The following TYR variants were observed in gnomAD, a reference collection of about 807,000 sequenced individuals.
TYR encodes the protein tyrosinase, also known as LB24-AB.
Under a neutral mutation model 51.5 loss-of-function variants are expected in TYR, and 58 were observed. The ratio of observed to expected loss-of-function variants is 1.13; its 90% CI spans 0.91 to 1.40. The LOEUF (loss-of-function observed/expected upper bound fraction) is 1.40. Ranked by LOEUF, TYR falls within the 40% of genes most tolerant of loss-of-function variation. TYR has a pLI of 0.00. For missense variants in TYR, 732 were observed against 647.4 expected (o/e 1.13, Z -1.42); for synonymous variants, 263 against 235.2 (o/e 1.12, Z -1.08).
chr11:89,183,294 C>G (rs1194218202), intron 1 of TYR, among the ~76,000 whole-genome samples: 1 of 151,948 alleles, frequency 6.6e-6, no homozygotes, highest in South Asian at 2.1e-4. Flanking sequence ...TGTTATAAAT[C>G]ACTTGCGTTG....
chr11:89,234,997 C>T (rs962570255), intron 3 of TYR, among the ~76,000 whole-genome samples: 1 of 150,816 alleles, frequency 6.6e-6, no homozygotes, highest in East Asian at 1.9e-4. Flanking sequence ...AATGCAGTAT[C>T]TGTGAAGCAC....
At chr11:89,251,225 G>A (rs1944327601) in intron 3 of TYR, among the ~76,000 whole-genome samples, 1 of 151,846 alleles carries the variant, frequency 6.6e-6, no homozygotes, top group Non-Finnish European at 1.5e-5. Flanking sequence ...AATAACTAAT[G>A]TATAAAATAT....
Position 89,246,445 on chromosome 11 carries a change from T to TA in TYR, c.1184+18482dup, listed in dbSNP as rs1201471513. ...GTAAAGAGCTAAAGTATAAGGGGCT[T>TA]AAAAAAATATTCAATGCTTTTGTTC... On this transcript the variant is annotated intron_variant, in intron 3 of 4. Coordinates refer to ENST00000263321, the MANE Select transcript of TYR (RefSeq NM_000372.5). 5.3e-5 allele frequency among the ~76,000 whole-genome samples: 8 copies of TA among 152,252 alleles called. No individual in the cohort carries two copies. In the East Asian group the frequency reaches 7.7e-4, roughly 15 times the overall value.
chr11:89,284,682 T>A, intron 3 of TYR, 91 bp from the exon 4 acceptor site: 1 of 1,164,066 alleles, frequency 8.6e-7, no homozygotes, highest in Non-Finnish European at 1.3e-6. Flanking sequence ...TCTCCAGATT[T>A]TAATATATGC....
Position 89,178,368 on chromosome 11 carries a change from A to T in TYR, c.415A>T (p.Thr139Ser), listed in dbSNP as rs751055463. ...GAAGGACAAATTTTTTGCCTACCTC[A>T]CTTTAGCAAAGCATACCATCAGCTC... is the stretch of plus-strand genomic sequence containing the variant. ...PEKDKFFAYLTLAKHTISSDY... is the reference protein window; with the variant it reads ...PEKDKFFAYLSLAKHTISSDY... Residue 139 changes from threonine (T) to serine (S), a missense_variant, in exon 1 of 5, where the codon ACT (threonine) becomes TCT (serine). Transcript: ENST00000263321. 6.8e-6 allele frequency: 11 copies of T among 1,614,038 alleles called. No homozygotes were observed. The Admixed American group carries it at 1.8e-4, about 27-fold the overall frequency.
At chr11:89,275,473 T>C (rs530447068) in intron 3 of TYR, among the ~76,000 whole-genome samples, 1 of 151,962 alleles carries the variant, frequency 6.6e-6, no homozygotes, top group Non-Finnish European at 1.5e-5. Flanking sequence ...CTTCTACTGC[T>C]TTCTAGTTGA....
Position 89,178,178 on chromosome 11 carries a change from T to C in TYR, c.225T>C (p.Asp75=). 6.2e-7 allele frequency: 1 copy of C among 1,614,208 alleles called. No individual in the cohort carries two copies. The highest frequency in any genetic ancestry group is 8.5e-7 in the Non-Finnish European group (1 of 1,180,030). The part of the protein sequence containing the change: ...LGPQFPFTGV[D]DRESWPSVFY... ...CTCAATTTCCCTTCACAGGGGTGGA[T>C]GACCGGGAGTCGTGGCCTTCCGTCT... The change falls in exon 1 of 5, where the codon GAT becomes GAC. Residue 75 remains aspartate (D), a synonymous_variant. Coordinates refer to ENST00000263321, the MANE Select transcript of TYR (RefSeq NM_000372.5).
Position 89,178,135 on chromosome 11 carries a change from C to A in TYR, c.182C>A (p.Ser61Tyr). Residue 61 changes from serine (S) to tyrosine (Y), a missense_variant, in exon 1 of 5, where the codon TCC becomes TAC. By Grantham distance (144) the Ser-to-Tyr change is moderately radical. Transcript: ENST00000263321. Reference sequence around the variant, plus strand: ...GGTTCCTGTCAGAATATCCTTCTGTCCAATGCACCACTTGGGCCTCAATTT... The same window carrying A: ...GGTTCCTGTCAGAATATCCTTCTGTACAATGCACCACTTGGGCCTCAATTT... ...GRGSCQNILL[S>Y]NAPLGPQFPF... is the part of the protein sequence containing the mutation. The A allele has an allele frequency of 5.0e-6, 8 of 1,614,174 alleles. No homozygotes were observed. The highest frequency in any genetic ancestry group is 6.8e-6 in the Non-Finnish European group (8 of 1,180,032).
At chr11:89,218,287 A>G (rs117297230) in intron 2 of TYR, among the ~76,000 whole-genome samples, 1 of 152,348 alleles carries the variant, frequency 6.6e-6, no homozygotes, top group East Asian at 1.9e-4. Flanking sequence ...AGAGAAATAT[A>G]TGCCTCATGT....
chr11:89,284,264 T>C (rs889017068), intron 3 of TYR, among the ~76,000 whole-genome samples: 1 of 151,808 alleles, frequency 6.6e-6, no homozygotes, highest in African/African-American at 2.4e-5. Flanking sequence ...CCATTGTCAT[T>C]GGAGGTAAGC....
chr11:89,210,253 A>G lies in TYR; in HGVS notation c.1037-17570A>G, dbSNP rs146721146. On this transcript the variant is annotated intron_variant, in intron 2 of 4. Transcript: ENST00000263321. ...GTTAGATGAATGGCTAACTAGAATA[A>G]CCAGTGTAGAGAAGAGCTTAAATGA... is the stretch of plus-strand genomic sequence containing the variant. Among the ~76,000 whole-genome samples, 139 of 152,338 alleles carry G rather than the reference A, an allele frequency of 9.1e-4. 2 individuals are homozygous for G. In the East Asian group the frequency reaches 0.019, roughly 21 times the overall value.
intron 2 of TYR, among the ~76,000 whole-genome samples, 179 bp downstream of exon 2, chr11:89,191,597 C>CA (rs1943447547): frequency 2.0e-5 from 3 of 152,006 alleles, no homozygotes; most frequent in Non-Finnish European, 4.4e-5. Flanking sequence ...TATAATTCAA[C>CA]GTGTTAGCTT....
At chr11:89,294,572 G>A (rs1267835890) in intron 4 of TYR, among the ~76,000 whole-genome samples, 1 of 152,184 alleles carries the variant, frequency 6.6e-6, no homozygotes, top group Non-Finnish European at 1.5e-5. Context: ...AACCAAGAGC[G>A]CCCCCAACCC....
intron 3 of TYR, among the ~76,000 whole-genome samples, chr11:89,270,702 TTAAA>T (rs1191474034): frequency 3.3e-5 from 5 of 151,948 alleles, no homozygotes; most frequent in African/African-American, 4.8e-5. Flanking sequence ...AAATTTAATC[TTAAA>T]TAATTTAATC....
intron 3 of TYR, among the ~76,000 whole-genome samples, chr11:89,272,400 T>A (rs1944599242): frequency 6.6e-6 from 1 of 151,826 alleles, no homozygotes; most frequent in Non-Finnish European, 1.5e-5. Context: ...AAATCTTTTT[T>A]TTTTTTTGAA....
intron 3 of TYR, among the ~76,000 whole-genome samples, chr11:89,246,129 G>A (rs1944265234): frequency 1.3e-5 from 2 of 149,066 alleles, no homozygotes; most frequent in African/African-American, 2.5e-5. Context: ...AACTGAGACC[G>A]AGGTATAAAA....
intron 3 of TYR, among the ~76,000 whole-genome samples, chr11:89,241,459 C>A (rs1267706694): frequency 2.0e-5 from 3 of 151,952 alleles, no homozygotes; most frequent in African/African-American, 7.3e-5. Flanking sequence ...TCAAGAAATA[C>A]GATATGTGTC....
At chr11:89,228,279 C>T (rs916693303) in intron 3 of TYR, among the ~76,000 whole-genome samples, 1 of 151,768 alleles carries the variant, frequency 6.6e-6, no homozygotes, top group Non-Finnish European at 1.5e-5. Flanking sequence ...TAAAGTATAC[C>T]CTAGTTTGTC....
At chr11:89,225,069 T>C (rs1205419927) in intron 2 of TYR, among the ~76,000 whole-genome samples, 1 of 152,006 alleles carries the variant, frequency 6.6e-6, no homozygotes, top group Non-Finnish European at 1.5e-5. Flanking sequence ...GTTATTTATT[T>C]TTTTAAAATT....
Sources: gnomAD v4.1 joint callset for allele counts (sites outside exome capture counted in the v4.1 genomes callset) on GRCh38, gnomAD v4.1.1 for gene constraint, MANE v1.5 for transcripts, NCBI Gene and HGNC (gene_info 2026-07-23, HGNC 2026-07-21) for gene names.